Variants in DPP10 observed in about 807,000 individuals in gnomAD.
DPP10 encodes inactive dipeptidyl peptidase 10.
A neutral mutation model predicts 120.9 loss-of-function variants in DPP10; 33 were observed. That is an observed-to-expected ratio of 0.27 (90% CI 0.21 to 0.37). The LOEUF (loss-of-function observed/expected upper bound fraction) is 0.37. Among genes scored for constraint, DPP10 ranks in the 10% least tolerant of loss-of-function variants. The pLI, the probability that DPP10 is intolerant of heterozygous loss-of-function variation, is 1.00. For synonymous variants in DPP10, 337 were observed against 326.1 expected (o/e 1.03, Z -0.36); for missense variants, 816 against 942.8 (o/e 0.87, Z 1.76).
intron 1 of DPP10, chr2:115,161,237 C>T (rs2052303931): frequency 6.6e-6 from 1 of 152,274 alleles, no homozygotes; most frequent in African/African-American, 2.4e-5. Flanking sequence ...TCAGACACGC[C>T]CTCGGGTCCC....
intron 1 of DPP10, among the ~76,000 whole-genome samples, chr2:114,713,420 A>G (rs1421883788): frequency 6.6e-6 from 1 of 152,230 alleles, no homozygotes; most frequent in Non-Finnish European, 1.5e-5. Context: ...CAGAAAGAAT[A>G]CAACTAAGTC....
intron 21 of DPP10, among the ~76,000 whole-genome samples, chr2:115,828,304 T>G (rs1406304187): frequency 6.6e-6 from 1 of 152,152 alleles, no homozygotes; most frequent in African/African-American, 2.4e-5. Context: ...TAATAATTTC[T>G]CTTTATGATT....
At chr2:114,663,190 C>T (rs1158862310) in intron 1 of DPP10, among the ~76,000 whole-genome samples, 2 of 150,972 alleles carry the variant, frequency 1.3e-5, no homozygotes, top group African/African-American at 4.9e-5. Flanking sequence ...ATCGTGTTTC[C>T]TGCGTAATCA....
intron 1 of DPP10, among the ~76,000 whole-genome samples, chr2:114,877,134 GT>G (rs1691225456): frequency 6.6e-6 from 1 of 152,018 alleles, no homozygotes; most frequent in South Asian, 2.1e-4. Context: ...GCTTGTGTAT[GT>G]ATATGTATTT....
At chr2:114,899,890 G>T (rs956456435) in intron 1 of DPP10, among the ~76,000 whole-genome samples, 1 of 152,218 alleles carries the variant, frequency 6.6e-6, no homozygotes, top group Non-Finnish European at 1.5e-5. Context: ...AACCCGGGAG[G>T]TGGAGCTGGC....
At chr2:115,113,055 T>C (rs2049310610) in intron 1 of DPP10, among the ~76,000 whole-genome samples, 1 of 152,114 alleles carries the variant, frequency 6.6e-6, no homozygotes, top group Admixed American at 6.6e-5. Context: ...ATAGGTCTGG[T>C]TCCCAAAGTG....
chr2:115,330,440 T>G (rs551189821), intron 2 of DPP10, among the ~76,000 whole-genome samples: 20 of 151,724 alleles, frequency 1.3e-4, no homozygotes, highest in East Asian at 7.8e-4. Context: ...TTAGTTTAAT[T>G]AGATCCCATT....
intron 1 of DPP10, among the ~76,000 whole-genome samples, chr2:114,584,826 G>C (rs1690819487): frequency 6.6e-6 from 1 of 151,942 alleles, no homozygotes; most frequent in African/African-American, 2.4e-5. Context: ...TGAACCATCA[G>C]GAAACCAGAA....
chr2:114,748,807 T>A (rs1456250022), intron 1 of DPP10, among the ~76,000 whole-genome samples: 23 of 26,372 alleles, frequency 8.7e-4, no homozygotes, highest in African/African-American at 3.8e-3. Context: ...CTATCATTGT[T>A]GGACATTTGG....
chr2:115,738,578 A>G (rs964867153), intron 8 of DPP10, among the ~76,000 whole-genome samples: 1 of 152,118 alleles, frequency 6.6e-6, no homozygotes, highest in Non-Finnish European at 1.5e-5. Flanking sequence ...TTCAACAAGC[A>G]TTTGTTCTCC....
intron 11 of DPP10, among the ~76,000 whole-genome samples, chr2:115,755,723 T>C (rs1277852244): frequency 6.6e-6 from 1 of 151,972 alleles, no homozygotes; most frequent in African/African-American, 2.4e-5. Flanking sequence ...AATTAACATA[T>C]GTTACTAGCA....
chr2:115,085,584 A>T lies in DPP10; in HGVS notation c.61-223655A>T, dbSNP rs1017359508. On this transcript the variant is annotated intron_variant, in intron 1 of 25. Coordinates refer to ENST00000410059, the MANE Select transcript of DPP10 (RefSeq NM_020868.6). ...ACACTTTTGAAAAAGCCAAATTTCA[A>T]ACTGGAAAATCAGAAGCAGGTAGTG... Among the ~76,000 whole-genome samples, 5 of 152,302 alleles carry T rather than the reference A, an allele frequency of 3.3e-5. No individual in the cohort carries two copies. In the South Asian group the frequency reaches 1.0e-3, roughly 32 times the overall value.
At chr2:114,992,816 G>T (rs1479164619) in intron 1 of DPP10, among the ~76,000 whole-genome samples, 1 of 152,172 alleles carries the variant, frequency 6.6e-6, no homozygotes, top group Non-Finnish European at 1.5e-5. Flanking sequence ...GAAGAATGTG[G>T]TATAATCAAT....
intron 1 of DPP10, among the ~76,000 whole-genome samples, chr2:114,673,647 G>T (rs1345985982): frequency 6.6e-6 from 1 of 151,888 alleles, no homozygotes; most frequent in Non-Finnish European, 1.5e-5. Context: ...GTAGAGATCG[G>T]GTTTCACCAT....
intron 13 of DPP10, among the ~76,000 whole-genome samples, chr2:115,768,758 T>C (rs1050880781): frequency 6.6e-6 from 1 of 152,244 alleles, no homozygotes; most frequent in African/African-American, 2.4e-5. Context: ...TTTGTACAAG[T>C]AATATTCTCC....
At chr2:115,599,683 C>T (rs2083203754) in intron 5 of DPP10, among the ~76,000 whole-genome samples, 1 of 152,044 alleles carries the variant, frequency 6.6e-6, no homozygotes, top group African/African-American at 2.4e-5. Context: ...ACATTTGCAG[C>T]CTTTCTATAT....
intron 1 of DPP10, among the ~76,000 whole-genome samples, chr2:114,593,275 T>G (rs1691615175): frequency 6.6e-6 from 1 of 152,148 alleles, no homozygotes; most frequent in Non-Finnish European, 1.5e-5. Context: ...TAAGGAACTC[T>G]ACCAATGGAA....
At chr2:114,864,004 T>C (rs1690025372) in intron 1 of DPP10, among the ~76,000 whole-genome samples, 1 of 152,160 alleles carries the variant, frequency 6.6e-6, no homozygotes, top group East Asian at 1.9e-4. Context: ...TTAGGGGATA[T>C]TGTATTTGGA....
At chr2:115,541,387 G>A (rs1823268) in intron 5 of DPP10, among the ~76,000 whole-genome samples, 1 of 151,560 alleles carries the variant, frequency 6.6e-6, no homozygotes, top group African/African-American at 2.4e-5. Flanking sequence ...TATTAATTTT[G>A]TAGAGGTTAT....
Sources: gnomAD v4.1 joint callset for allele counts (sites outside exome capture counted in the v4.1 genomes callset) on GRCh38, gnomAD v4.1.1 for gene constraint, MANE v1.5 for transcripts, NCBI Gene and HGNC (gene_info 2026-07-23, HGNC 2026-07-21) for gene names.